Variants in SLC1A6 observed in about 807,000 individuals in gnomAD.
The protein encoded by SLC1A6 is excitatory amino acid transporter 4.
In SLC1A6, 15 loss-of-function variants were observed where a neutral mutation model predicts 42.1. The observed-to-expected ratio is 0.36, with a 90% confidence interval of 0.24 to 0.55. SLC1A6 has a LOEUF of 0.55. Among genes scored for constraint, SLC1A6 ranks in the 20% least tolerant of loss-of-function variants. SLC1A6 has a pLI of 0.88. For synonymous variants in SLC1A6, 317 were observed against 319.7 expected (o/e 0.99, Z 0.09); for missense variants, 542 against 772.5 (o/e 0.70, Z 3.54).
intron 6 of SLC1A6, 64 bp downstream of exon 6, chr19:14,961,938 C>A: frequency 6.5e-7 from 1 of 1,536,376 alleles, no homozygotes; most frequent in Non-Finnish European, 8.7e-7. Flanking sequence ...CCTTCGGCAG[C>A]TTCCCCACAG....
chr19:15,007,266 G>A (rs572531827), intron 1 of SLC1A6, among the ~76,000 whole-genome samples: 1 of 152,318 alleles, frequency 6.6e-6, no homozygotes, highest in African/African-American at 2.4e-5. Flanking sequence ...ACACGATGCT[G>A]AGTGAGAGAA....
chr19:14,986,454 A>G (rs2045793050), intron 1 of SLC1A6, among the ~76,000 whole-genome samples: 2 of 151,094 alleles, frequency 1.3e-5, no homozygotes, highest in African/African-American at 4.9e-5. Flanking sequence ...CCTGGGAGGT[A>G]GAGGTTTGCA....
intron 4 of SLC1A6, among the ~76,000 whole-genome samples, chr19:14,967,324 A>G (rs1358340992): frequency 6.6e-6 from 1 of 152,184 alleles, no homozygotes; most frequent in East Asian, 1.9e-4. Context: ...GTCAGAAATC[A>G]TATCAAAATG....
At position 14,962,189 on chromosome 19, in the gene SLC1A6, T is replaced by C; in HGVS notation, c.748A>G (p.Met250Val). The change falls in exon 6 of 10, where the codon ATG (methionine) becomes GTG (valine). Residue 250 changes from methionine to valine, a missense_variant. Physicochemically the swap from Met to Val is conservative, Grantham distance 21. Coordinates refer to ENST00000594383, the MANE Select transcript of SLC1A6 (RefSeq NM_005071.3). The stretch of plus-strand genomic sequence containing the variant: ...GGTACAGTCTCCTCAAAGCTCAGCA[T>C]CTCCTGCAGGGTACCCAAGGCCCGA... ...VTRALGTLQE[M>V]LSFEETVPVP... 1 of 1,614,084 alleles carries C rather than the reference T, an allele frequency of 6.2e-7. No homozygotes were observed.
chr19:14,968,334 G>A lies in SLC1A6; in HGVS notation c.517C>T (p.Pro173Ser), dbSNP rs1464775490. The change falls in exon 4 of 10, where the codon CCC (proline) becomes TCC (serine). Residue 173 changes from proline to serine, a missense_variant. By Grantham distance (74) the Pro-to-Ser change is moderately conservative. Coordinates refer to ENST00000594383, the MANE Select transcript of SLC1A6 (RefSeq NM_005071.3). ...AGGTCCATGAAGGCATCAGCTGTGGGGATGGTCTCGATCCGGCCCTCCCGG... is the reference window on the plus strand; with the variant it reads ...AGGTCCATGAAGGCATCAGCTGTGGAGATGGTCTCGATCCGGCCCTCCCGG... The part of the protein sequence containing the change: ...LHREGRIETI[P>S]TADAFMDLIR... 7.4e-6 allele frequency: 12 copies of A among 1,613,568 alleles called. No individual in the cohort carries two copies. The highest frequency in any genetic ancestry group is 8.5e-6 in the Non-Finnish European group (10 of 1,179,874).
chr19:15,006,103 T>A (rs1306509929), intron 1 of SLC1A6, among the ~76,000 whole-genome samples: 1 of 152,236 alleles, frequency 6.6e-6, no homozygotes. Context: ...CATGGATTCA[T>A]TCTATTAATA....
At chr19:14,995,466 C>G (rs2045841713) in intron 1 of SLC1A6, among the ~76,000 whole-genome samples, 1 of 151,570 alleles carries the variant, frequency 6.6e-6, no homozygotes, top group South Asian at 2.1e-4. Context: ...TCAAAGGATG[C>G]CAAATTTCAG....
intron 1 of SLC1A6, among the ~76,000 whole-genome samples, chr19:14,975,938 G>A (rs1600017812): frequency 6.6e-6 from 1 of 152,010 alleles, no homozygotes; most frequent in East Asian, 1.9e-4. Flanking sequence ...GGACTTTTCT[G>A]TGGGTCCCTA....
chr19:15,008,701 A>G (rs1043409196), intron 1 of SLC1A6, among the ~76,000 whole-genome samples: 1 of 152,134 alleles, frequency 6.6e-6, no homozygotes, highest in African/African-American at 2.4e-5. Flanking sequence ...TATGGTATAC[A>G]AGCTGGGTGC....
chr19:14,982,319 C>T (rs2045772213), upstream of SLC1A6, among the ~76,000 whole-genome samples: 2 of 152,132 alleles, frequency 1.3e-5, no homozygotes, highest in Admixed American at 6.5e-5. Flanking sequence ...CACTAGAGGT[C>T]AGGAGTTCGA....
At chr19:15,007,584 T>C (rs985498785) in intron 1 of SLC1A6, among the ~76,000 whole-genome samples, 2 of 152,084 alleles carry the variant, frequency 1.3e-5, no homozygotes, top group African/African-American at 4.8e-5. Context: ...GATCATAGCA[T>C]GTGATTGATT....
intron 1 of SLC1A6, among the ~76,000 whole-genome samples, chr19:14,994,017 C>T (rs1458741928): frequency 6.6e-6 from 1 of 152,140 alleles, no homozygotes; most frequent in African/African-American, 2.4e-5. Context: ...CCCCATTTCT[C>T]AGAACATTTG....
intron 7 of SLC1A6, among the ~76,000 whole-genome samples, chr19:14,956,045 AGAAGAGGAGGAG>A (rs750307534): frequency 3.3e-5 from 5 of 152,234 alleles, no homozygotes; most frequent in Admixed American, 6.5e-5. Flanking sequence ...CTACAAAAGA[AGAAGAGGAGGAG>A]GAAGAGGAGG....
At chr19:14,985,426 A>G (rs141050868) in intron 1 of SLC1A6, among the ~76,000 whole-genome samples, 1 of 152,082 alleles carries the variant, frequency 6.6e-6, no homozygotes, top group Non-Finnish European at 1.5e-5. Context: ...TTCTCACTCT[A>G]TGAGTTCATG....
At chr19:14,973,116 C>T (rs1457297663) in intron 1 of SLC1A6, 199 bp from the exon 2 acceptor site, 4 of 572,838 alleles carry the variant, frequency 7.0e-6, no homozygotes, top group Non-Finnish European at 1.2e-5. Flanking sequence ...CCCAGGAGTT[C>T]AAGACTGGCC....
At chr19:14,977,220 C>G (rs1379974812) in intron 1 of SLC1A6, 1 of 152,016 alleles carries the variant, frequency 6.6e-6, no homozygotes, top group African/African-American at 2.4e-5. Flanking sequence ...TGTCCGGTTC[C>G]TTTCTCTTCC....
Position 14,950,338 on chromosome 19 carries a change from C to G in SLC1A6, c.1552G>C (p.Val518Leu). Residue 518 changes from valine to leucine, a missense_variant, in exon 10 of 10, where the codon GTC (valine) becomes CTC (leucine). Coordinates refer to ENST00000594383, the MANE Select transcript of SLC1A6 (RefSeq NM_005071.3). ...NVLGDSIGAA[V>L]IEHLSQRELE... Reference sequence around the variant, plus strand: ...TCCCGCTGAGACAAGTGCTCGATGACGGCCGCTCCAATTGAGTCCCCCAGT... The same window carrying G: ...TCCCGCTGAGACAAGTGCTCGATGAGGGCCGCTCCAATTGAGTCCCCCAGT... 1 of 1,609,804 alleles carries G rather than the reference C, an allele frequency of 6.2e-7. No homozygotes were observed. The highest frequency in any genetic ancestry group is 1.1e-5 in the South Asian group (1 of 90,002).
chr19:15,007,406 G>A (rs747125651), intron 1 of SLC1A6, among the ~76,000 whole-genome samples: 73 of 152,290 alleles, frequency 4.8e-4, no homozygotes, highest in Non-Finnish European at 8.5e-4. Context: ...GAGAGTGAGC[G>A]CTCGTGGGGA....
At chr19:15,008,231 G>A (rs1208635520) in intron 1 of SLC1A6, among the ~76,000 whole-genome samples, 1 of 152,002 alleles carries the variant, frequency 6.6e-6, no homozygotes, top group African/African-American at 2.4e-5. Context: ...TATAGTCCTC[G>A]CTTTTTGGGA....
Sources: allele counts gnomAD v4.1 joint callset (sites outside exome capture counted in the v4.1 genomes callset), GRCh38; gene constraint gnomAD v4.1.1; transcripts MANE v1.5; gene names NCBI Gene and HGNC (gene_info 2026-07-23, HGNC 2026-07-21).